RIC8B: variants seen among roughly 807,000 people sequenced by gnomAD.
RIC8B encodes the protein chaperone Ric-8B.
Under a neutral mutation model 57.5 loss-of-function variants are expected in RIC8B, and 16 were observed. The observed-to-expected ratio is 0.28, with a 90% confidence interval of 0.19 to 0.42. The LOEUF (loss-of-function observed/expected upper bound fraction) is 0.42. Among genes scored for constraint, RIC8B ranks in the 10% least tolerant of loss-of-function variants. The pLI, the probability that RIC8B is intolerant of heterozygous loss-of-function variation, is 1.00. For missense variants in RIC8B, 481 were observed against 677.0 expected (o/e 0.71, Z 3.21); for synonymous variants, 216 against 250.8 (o/e 0.86, Z 1.31).
chr12:106,791,911 A>G (rs993633120), intron 2 of RIC8B, among the ~76,000 whole-genome samples: 1 of 152,220 alleles, frequency 6.6e-6, no homozygotes, highest in African/African-American at 2.4e-5. Flanking sequence ...TGCTTGTTCT[A>G]AAAGCCCTTT....
At chr12:106,819,093 T>A (rs908795373) in intron 3 of RIC8B, among the ~76,000 whole-genome samples, 10 of 152,222 alleles carry the variant, frequency 6.6e-5, no homozygotes, top group East Asian at 1.9e-4. Context: ...TATTCTTCAT[T>A]GTATAATATA....
At chr12:106,860,749 C>T (rs906758763) in intron 8 of RIC8B, among the ~76,000 whole-genome samples, 6 of 152,124 alleles carry the variant, frequency 3.9e-5, no homozygotes, top group African/African-American at 7.2e-5. Flanking sequence ...ATAACCAAGA[C>T]CACATATTTA....
chr12:106,806,963 C>T (rs1475543426), intron 2 of RIC8B, among the ~76,000 whole-genome samples: 1 of 152,198 alleles, frequency 6.6e-6, no homozygotes, highest in Non-Finnish European at 1.5e-5. Flanking sequence ...TTAATGTGAC[C>T]TTACAGAATT....
At chr12:106,834,558 A>G (rs2046497978) in intron 4 of RIC8B, among the ~76,000 whole-genome samples, 1 of 152,122 alleles carries the variant, frequency 6.6e-6, no homozygotes, top group South Asian at 2.1e-4. Flanking sequence ...GTATCTCAAG[A>G]TACTTTGCAT....
At chr12:106,841,385 A>C (rs1948938835) in intron 4 of RIC8B, among the ~76,000 whole-genome samples, 1 of 152,214 alleles carries the variant, frequency 6.6e-6, no homozygotes, top group Non-Finnish European at 1.5e-5. Context: ...AAAAGAAAGG[A>C]AATATTCATT....
At chr12:106,780,424 T>C (rs1453869253) in intron 1 of RIC8B, among the ~76,000 whole-genome samples, 1 of 152,220 alleles carries the variant, frequency 6.6e-6, no homozygotes, top group Non-Finnish European at 1.5e-5. Flanking sequence ...TTCATTCATG[T>C]GCTAGAAGAA....
chr12:106,776,650 C>T (rs572331111), intron 1 of RIC8B, among the ~76,000 whole-genome samples: 9 of 152,332 alleles, frequency 5.9e-5, no homozygotes, highest in East Asian at 1.9e-4. Context: ...TTGGTATCTA[C>T]TTACCACTCC....
chr12:106,847,494 T>C (rs753119088), intron 6 of RIC8B, among the ~76,000 whole-genome samples: 27 of 152,210 alleles, frequency 1.8e-4, no homozygotes, highest in Non-Finnish European at 3.5e-4. Context: ...TAAGGATTTG[T>C]TGTGCAATTA....
intron 3 of RIC8B, chr12:106,823,309 G>C (rs938808047): frequency 1.0e-5 from 4 of 387,722 alleles, no homozygotes; most frequent in Middle Eastern, 3.6e-4. Context: ...GCGATGCAAA[G>C]AGCAGAGGCA....
chr12:106,828,339 T>C (rs1352349253), intron 4 of RIC8B, among the ~76,000 whole-genome samples: 3 of 152,192 alleles, frequency 2.0e-5, no homozygotes, highest in Admixed American at 6.5e-5. Flanking sequence ...TTAAATTCAA[T>C]GAAAATGGCA....
intron 8 of RIC8B, among the ~76,000 whole-genome samples, chr12:106,860,765 A>T (rs1397999252): frequency 6.6e-6 from 1 of 152,152 alleles, no homozygotes; most frequent in African/African-American, 2.4e-5. Flanking sequence ...ATTTAAGTTG[A>T]TTATTTGATG....
intron 2 of RIC8B, among the ~76,000 whole-genome samples, chr12:106,804,371 C>T (rs558031497): frequency 6.6e-5 from 10 of 152,212 alleles, no homozygotes; most frequent in African/African-American, 2.2e-4. Context: ...CCCACTACCA[C>T]GCCCATCTAA....
intron 9 of RIC8B, among the ~76,000 whole-genome samples, chr12:106,882,553 C>T (rs1950994862): frequency 6.6e-6 from 1 of 152,132 alleles, no homozygotes; most frequent in African/African-American, 2.4e-5. Context: ...ATCACGACCC[C>T]CATTTCACTG....
intron 8 of RIC8B, among the ~76,000 whole-genome samples, chr12:106,860,636 T>A (rs756694049): frequency 1.1e-4 from 17 of 152,186 alleles, no homozygotes; most frequent in Non-Finnish European, 1.8e-4. Context: ...GTACTTATTA[T>A]CTTCTCCCAA....
chr12:106,825,715 A>G lies in RIC8B; in HGVS notation c.742-11A>G, dbSNP rs1257231895. On this transcript the variant is annotated splice_polypyrimidine_tract_variant and intron_variant, in intron 3 of 9. Transcript: ENST00000392837. ...ACCCCCAATGTTTCCTCTCTTTTTTATTTGCCATAGAGTGATTCTCATCAG... is the reference window on the plus strand; with the variant it reads ...ACCCCCAATGTTTCCTCTCTTTTTTGTTTGCCATAGAGTGATTCTCATCAG... 1 of 1,607,588 alleles carries G rather than the reference A, an allele frequency of 6.2e-7. No individual in the cohort carries two copies. Among genetic ancestry groups the G allele is most frequent in the Non-Finnish European group, 8.5e-7 (1 of 1,174,372 alleles).
chr12:106,844,020 T>G (rs1026174865), intron 6 of RIC8B, 73 bp downstream of exon 6: 1 of 1,029,718 alleles, frequency 9.7e-7, no homozygotes, highest in Non-Finnish European at 1.5e-6. Context: ...ATTAATTGAA[T>G]TTTCTCACAA....
At chr12:106,830,993 A>G (rs1418001271) in intron 4 of RIC8B, among the ~76,000 whole-genome samples, 3 of 152,212 alleles carry the variant, frequency 2.0e-5, no homozygotes, top group Non-Finnish European at 2.9e-5. Flanking sequence ...CCTTGCTCAA[A>G]TGATACCTGT....
At chr12:106,872,391 G>A (rs559064122) in intron 9 of RIC8B, among the ~76,000 whole-genome samples, 4 of 152,282 alleles carry the variant, frequency 2.6e-5, no homozygotes, top group Non-Finnish European at 4.4e-5. Context: ...GAGTCAGGCC[G>A]GGCACAGTGG....
intron 4 of RIC8B, among the ~76,000 whole-genome samples, chr12:106,836,961 A>G (rs1043693152): frequency 6.6e-6 from 1 of 151,906 alleles, no homozygotes; most frequent in African/African-American, 2.4e-5. Context: ...CTTTGCTTTT[A>G]CTCTTCTTCC....
Sources: allele counts gnomAD v4.1 joint callset (sites outside exome capture counted in the v4.1 genomes callset), GRCh38; gene constraint gnomAD v4.1.1; transcripts MANE v1.5; gene names NCBI Gene and HGNC (gene_info 2026-07-23, HGNC 2026-07-21).